Variants in FSIP1 observed in about 807,000 individuals in gnomAD.
FSIP1 encodes the protein fibrous sheath-interacting protein 1.
Under a neutral mutation model 60.9 loss-of-function variants are expected in FSIP1, and 65 were observed. The observed-to-expected ratio is 1.07, with a 90% CI of 0.87 to 1.31. The LOEUF is 1.31. Ranked by LOEUF, FSIP1 falls within the 40% of genes most tolerant of loss-of-function variation. FSIP1 has a pLI of 0.00. For missense variants in FSIP1, 675 were observed against 665.5 expected (o/e 1.01, Z -0.16); for synonymous variants, 209 against 221.2 (o/e 0.94, Z 0.49).
At chr15:39,764,622 G>A (rs909817428) in intron 4 of FSIP1, among the ~76,000 whole-genome samples, 1 of 152,128 alleles carries the variant, frequency 6.6e-6, no homozygotes, top group African/African-American at 2.4e-5. Flanking sequence ...TATATACCAA[G>A]TCAATGCCAA....
intron 10 of FSIP1, among the ~76,000 whole-genome samples, chr15:39,706,857 G>A (rs1036931089): frequency 6.6e-6 from 1 of 152,118 alleles, no homozygotes; most frequent in Admixed American, 6.5e-5. Flanking sequence ...ATTGTCTTCT[G>A]CAACAGGCTC....
intron 10 of FSIP1, among the ~76,000 whole-genome samples, chr15:39,667,536 C>T (rs1033778278): frequency 2.0e-5 from 3 of 152,204 alleles, no homozygotes; most frequent in African/African-American, 7.2e-5. Flanking sequence ...CAGGACCGTG[C>T]TTGGCAACTG....
chr15:39,778,706 G>A lies in FSIP1; in HGVS notation c.-7-2175C>T, dbSNP rs377470433. On this transcript the variant is annotated intron_variant, in intron 1 of 11. Transcript: ENST00000350221. ...TATGCCTTAATTATATTGAGTGTTC[G>A]TGAGGAGTGCACAAAAGGAAGCGAG... is the stretch of plus-strand genomic sequence containing the variant. Among the ~76,000 whole-genome samples the A allele has an allele frequency of 1.2e-4, 19 of 152,270 alleles. No individual in the cohort carries two copies. In the East Asian group the frequency reaches 1.5e-3, roughly 12 times the overall value.
intron 9 of FSIP1, among the ~76,000 whole-genome samples, chr15:39,718,462 A>C (rs1895833499): frequency 6.6e-6 from 1 of 151,368 alleles, no homozygotes. Context: ...TCCTACAATA[A>C]ACATGTTATC....
At chr15:39,637,530 C>T (rs1892186797) in intron 10 of FSIP1, among the ~76,000 whole-genome samples, 1 of 152,214 alleles carries the variant, frequency 6.6e-6, no homozygotes, top group African/African-American at 2.4e-5. Context: ...ACTGCCACCA[C>T]TGCCACTTCA....
At chr15:39,751,859 G>T (rs937978309) in intron 5 of FSIP1, among the ~76,000 whole-genome samples, 1 of 151,876 alleles carries the variant, frequency 6.6e-6, no homozygotes, top group Non-Finnish European at 1.5e-5. Context: ...ACTATGTGAG[G>T]TGACTGATAT....
At chr15:39,738,258 A>T (rs1007652657) in intron 7 of FSIP1, 57 bp from the exon 8 acceptor site, 1 of 1,029,958 alleles carries the variant, frequency 9.7e-7, no homozygotes, top group Non-Finnish European at 1.4e-6. Flanking sequence ...CAGTTCAGGA[A>T]AAAAAAAATG....
intron 2 of FSIP1, among the ~76,000 whole-genome samples, chr15:39,771,146 A>G (rs1897872983): frequency 6.6e-6 from 1 of 152,158 alleles, no homozygotes; most frequent in Non-Finnish European, 1.5e-5. Context: ...GAAAACACCA[A>G]TTGACACAGC....
intron 10 of FSIP1, among the ~76,000 whole-genome samples, chr15:39,634,835 C>T (rs570367739): frequency 6.6e-5 from 10 of 152,266 alleles, no homozygotes; most frequent in Admixed American, 6.5e-4. Context: ...ATCAGTGGTA[C>T]CTAATGTATC....
At chr15:39,622,984 C>T (rs1463286837) in intron 10 of FSIP1, among the ~76,000 whole-genome samples, 2 of 151,682 alleles carry the variant, frequency 1.3e-5, no homozygotes, top group African/African-American at 4.8e-5. Flanking sequence ...ATGTTTTATG[C>T]AAACATATAT....
At chr15:39,740,927 C>T (rs1282204937) in intron 6 of FSIP1, among the ~76,000 whole-genome samples, 1 of 151,894 alleles carries the variant, frequency 6.6e-6, no homozygotes, top group African/African-American at 2.4e-5. Context: ...AAGCTTATAG[C>T]TTATATAGGC....
chr15:39,771,561 G>A (rs1897886879), intron 2 of FSIP1, among the ~76,000 whole-genome samples: 1 of 152,164 alleles, frequency 6.6e-6, no homozygotes, highest in African/African-American at 2.4e-5. Flanking sequence ...GCGGAACTGA[G>A]CTGACTCAGT....
chr15:39,632,931 TAAG>T (rs2140405931), intron 10 of FSIP1, among the ~76,000 whole-genome samples: 1 of 152,250 alleles, frequency 6.6e-6, no homozygotes, highest in South Asian at 2.1e-4. Flanking sequence ...AATCGGGTAA[TAAG>T]AATTAATTGA....
At chr15:39,637,696 C>A (rs781745053) in intron 10 of FSIP1, among the ~76,000 whole-genome samples, 1 of 152,058 alleles carries the variant, frequency 6.6e-6, no homozygotes, top group Non-Finnish European at 1.5e-5. Context: ...GTGGAACTTC[C>A]TAGATTCAAT....
chr15:39,674,044 G>A (rs912769870), intron 10 of FSIP1, among the ~76,000 whole-genome samples: 4 of 151,012 alleles, frequency 2.6e-5, no homozygotes, highest in African/African-American at 4.9e-5. Context: ...TCCTTAACCC[G>A]ACCCGATTTA....
At chr15:39,617,604 C>T (rs1020626443) in intron 11 of FSIP1, 131 bp downstream of exon 11, 1 of 715,110 alleles carries the variant, frequency 1.4e-6, no homozygotes, top group African/African-American at 1.8e-5. Context: ...TTTATGTTTG[C>T]ATACTCTTAT....
At chr15:39,672,277 C>T (rs933856914) in intron 10 of FSIP1, among the ~76,000 whole-genome samples, 1 of 152,208 alleles carries the variant, frequency 6.6e-6, no homozygotes, top group Non-Finnish European at 1.5e-5. Context: ...TTCAGCACAG[C>T]GGCTGCCTTA....
At chr15:39,759,342 A>G (rs746383417) in intron 5 of FSIP1, among the ~76,000 whole-genome samples, 2 of 152,212 alleles carry the variant, frequency 1.3e-5, no homozygotes, top group Non-Finnish European at 2.9e-5. Flanking sequence ...GCTAAACCAA[A>G]GAATAAATCT....
chr15:39,707,476 C>T (rs982729480), intron 10 of FSIP1, among the ~76,000 whole-genome samples: 4 of 152,112 alleles, frequency 2.6e-5, no homozygotes, highest in African/African-American at 9.7e-5. Context: ...CCCTTCCTTT[C>T]TTTCACCCCA....
Sources: allele counts gnomAD v4.1 joint callset (sites outside exome capture counted in the v4.1 genomes callset), GRCh38; gene constraint gnomAD v4.1.1; transcripts MANE v1.5; gene names NCBI Gene and HGNC (gene_info 2026-07-23, HGNC 2026-07-21).